FAM184B: variants seen among roughly 807,000 people sequenced by gnomAD.
The protein encoded by FAM184B is family with sequence similarity 184 member B.
FAM184B carries 111 observed loss-of-function variants against 135.9 expected under a neutral mutation model. The ratio of observed to expected loss-of-function variants is 0.82; its 90% CI spans 0.70 to 0.96. The LOEUF (loss-of-function observed/expected upper bound fraction) is 0.96, where lower values mean the gene tolerates loss of function less well. FAM184B is among the 40% of genes least tolerant of loss of function. The pLI, the probability that FAM184B is intolerant of heterozygous loss-of-function variation, is 0.00. For missense variants in FAM184B, 1,375 were observed against 1,323.9 expected (o/e 1.04, Z -0.60); for synonymous variants, 552 against 524.8 (o/e 1.05, Z -0.71).
chr4:17,715,889 G>A (rs763849318), intron 1 of FAM184B, among the ~76,000 whole-genome samples: 1 of 152,092 alleles, frequency 6.6e-6, no homozygotes, highest in Non-Finnish European at 1.5e-5. Flanking sequence ...CATTTCTGTG[G>A]GAGATTATCG....
At chr4:17,727,174 C>T (rs2024160) in intron 1 of FAM184B, among the ~76,000 whole-genome samples, 98,004 of 151,930 alleles carry the variant, frequency 0.65, 32,271 homozygotes, top group East Asian at 0.76. Context: ...CTGGAGGAGA[C>T]AGAACAAAAG....
At chr4:17,777,223 A>C (rs1490746003) in intron 1 of FAM184B, among the ~76,000 whole-genome samples, 2 of 152,220 alleles carry the variant, frequency 1.3e-5, no homozygotes, top group East Asian at 1.9e-4. Flanking sequence ...ATGAATCTTA[A>C]AGAATTAGAT....
chr4:17,741,318 G>A (rs1479707557), intron 1 of FAM184B, among the ~76,000 whole-genome samples: 1 of 152,210 alleles, frequency 6.6e-6, no homozygotes, highest in African/African-American at 2.4e-5. Context: ...CTGAGAAAGT[G>A]ACATGCGAGT....
chr4:17,764,833 G>A (rs959929398), intron 1 of FAM184B, among the ~76,000 whole-genome samples: 5 of 152,222 alleles, frequency 3.3e-5, no homozygotes, highest in Admixed American at 3.3e-4. Flanking sequence ...GGGAGGCCAA[G>A]GCAGGAGGAT....
Position 17,753,049 on chromosome 4 carries a change from C to A in FAM184B, c.141+28110G>T, listed in dbSNP as rs77678752. 8.5e-5 allele frequency among the ~76,000 whole-genome samples: 13 copies of A among 152,302 alleles called. 1 individual carries two copies. The East Asian group carries it at 2.5e-3, about 29-fold the overall frequency. Reference sequence around the variant, plus strand: ...AGGTCTTTTCAATTTGGTAGCTGGGCTTTTGATTCCTCTTTGCCTAAGTTT... The same window carrying A: ...AGGTCTTTTCAATTTGGTAGCTGGGATTTTGATTCCTCTTTGCCTAAGTTT... On this transcript the variant is annotated intron_variant, in intron 1 of 17. Coordinates refer to ENST00000265018, the MANE Select transcript of FAM184B (RefSeq NM_015688.2).
intron 1 of FAM184B, among the ~76,000 whole-genome samples, chr4:17,741,669 GGCAAC>G (rs1277994100): frequency 1.3e-5 from 2 of 152,112 alleles, no homozygotes; most frequent in Non-Finnish European, 2.9e-5. Flanking sequence ...CTCCAGCCTG[GGCAAC>G]AGAGCAAGAC....
At chr4:17,684,105 TAGTATAAAATA>T (rs879760471) in intron 7 of FAM184B, among the ~76,000 whole-genome samples, 78,911 of 143,742 alleles carry the variant, frequency 0.55, 23,945 homozygotes, top group East Asian at 0.92. Flanking sequence ...TATTATATTA[TAGTATAAAATA>T]ATTATATATA....
intron 11 of FAM184B, among the ~76,000 whole-genome samples, chr4:17,648,071 A>G (rs1715515590): frequency 1.3e-5 from 2 of 152,154 alleles, no homozygotes; most frequent in South Asian, 4.1e-4. Context: ...GAGGGTGAGC[A>G]CAATGCCCAA....
At chr4:17,736,051 G>C (rs1717901484) in intron 1 of FAM184B, among the ~76,000 whole-genome samples, 1 of 152,162 alleles carries the variant, frequency 6.6e-6, no homozygotes, top group South Asian at 2.1e-4. Flanking sequence ...TAGTACTTCT[G>C]AGGGTTTACA....
intron 5 of FAM184B, among the ~76,000 whole-genome samples, chr4:17,702,010 C>T (rs1716996723): frequency 6.6e-6 from 1 of 152,108 alleles, no homozygotes; most frequent in Admixed American, 6.5e-5. Flanking sequence ...TTAGATAGCT[C>T]AGTCAGTTCT....
intron 7 of FAM184B, among the ~76,000 whole-genome samples, chr4:17,683,801 C>T (rs145110705): frequency 0.016 from 2,468 of 152,076 alleles, 78 homozygotes; most frequent in African/African-American, 0.057. Context: ...ACTGGCCAGA[C>T]GCAGTGGTTC....
At chr4:17,728,369 A>T (rs974138077) in intron 1 of FAM184B, among the ~76,000 whole-genome samples, 4 of 152,184 alleles carry the variant, frequency 2.6e-5, no homozygotes, top group African/African-American at 4.8e-5. Context: ...CCCAGGTGAC[A>T]GAGCGAGACC....
At chr4:17,647,937 A>C in intron 11 of FAM184B, 146 bp from the exon 12 acceptor site, 1 of 871,076 alleles carries the variant, frequency 1.1e-6, no homozygotes, top group Non-Finnish European at 1.7e-6. Flanking sequence ...ACCTTTTCCA[A>C]GGTAACAGTA....
chr4:17,630,370 C>T lies in FAM184B; in HGVS notation c.*2162G>A, dbSNP rs980196013. 6.6e-6 allele frequency: 1 copy of T among 152,236 alleles called. No individual in the cohort carries two copies. 9.4% of individuals were successfully genotyped at this position (152,236 alleles called of 1,614,324 possible). A position where few individuals can be genotyped will look rare whatever the true frequency, so the allele number is the denominator to read the frequency against. On this transcript the variant is annotated 3_prime_UTR_variant, in exon 18 of 18. Transcript: ENST00000265018. ...GCAATGGAGTCATGAGGGCTTCACC[C>T]TCATGAGTAGGATAAGTACCCTTAC...
At chr4:17,678,980 A>G (rs528528161) in intron 7 of FAM184B, among the ~76,000 whole-genome samples, 1 of 152,340 alleles carries the variant, frequency 6.6e-6, no homozygotes, top group Non-Finnish European at 1.5e-5. Context: ...AGCCACACGT[A>G]GAAGAATGAA....
chr4:17,706,921 G>A (rs1717133138), intron 3 of FAM184B, among the ~76,000 whole-genome samples: 1 of 151,998 alleles, frequency 6.6e-6, no homozygotes, highest in African/African-American at 2.4e-5. Flanking sequence ...AAGTAGCTAG[G>A]ATTACAGGCA....
At chr4:17,757,520 G>A (rs1035463890) in intron 1 of FAM184B, among the ~76,000 whole-genome samples, 1 of 152,008 alleles carries the variant, frequency 6.6e-6, no homozygotes, top group Non-Finnish European at 1.5e-5. Context: ...ATGGCATTGT[G>A]GGAATGTTAT....
intron 8 of FAM184B, among the ~76,000 whole-genome samples, chr4:17,661,790 C>T (rs994525705): frequency 2.6e-5 from 4 of 152,122 alleles, no homozygotes; most frequent in African/African-American, 4.8e-5. Context: ...GAGGTGGCAC[C>T]ACCAGGTAAG....
chr4:17,749,205 C>A (rs117041380), intron 1 of FAM184B, among the ~76,000 whole-genome samples: 1 of 151,880 alleles, frequency 6.6e-6, no homozygotes, highest in East Asian at 1.9e-4. Context: ...TCCTCTGAAG[C>A]GCATCTATAA....
Sources: gnomAD v4.1 joint callset for allele counts (sites outside exome capture counted in the v4.1 genomes callset) on GRCh38, gnomAD v4.1.1 for gene constraint, MANE v1.5 for transcripts, NCBI Gene and HGNC (gene_info 2026-07-23, HGNC 2026-07-21) for gene names.